The following REEP1 variants were observed in gnomAD, a reference collection of about 807,000 sequenced individuals.
REEP1 encodes receptor accessory protein 1.
In REEP1, 22 loss-of-function variants were observed where a neutral mutation model predicts 40.3. The ratio of observed to expected loss-of-function variants is 0.55; its 90% CI spans 0.39 to 0.78. REEP1 has a LOEUF of 0.78. Among genes scored for constraint, REEP1 ranks in the 30% least tolerant of loss-of-function variants. REEP1 has a pLI of 0.00. For missense variants in REEP1, 280 were observed against 361.1 expected (o/e 0.78, Z 1.82); for synonymous variants, 116 against 139.2 (o/e 0.83, Z 1.17).
chr2:86,256,398 AAACC>A (rs1399765861), intron 3 of REEP1, among the ~76,000 whole-genome samples: 3 of 151,426 alleles, frequency 2.0e-5, no homozygotes, highest in African/African-American at 7.3e-5. Context: ...TTTCATATGC[AAACC>A]AACCAATCCA....
intron 1 of REEP1, among the ~76,000 whole-genome samples, chr2:86,319,069 G>A (rs946539783): frequency 1.3e-5 from 2 of 152,180 alleles, no homozygotes; most frequent in African/African-American, 4.8e-5. Context: ...CTGAAGCACT[G>A]AATTTCACAT....
At chr2:86,253,900 G>A (rs764111709) in intron 4 of REEP1, among the ~76,000 whole-genome samples, 14 of 152,306 alleles carry the variant, frequency 9.2e-5, no homozygotes, top group East Asian at 3.9e-4. Flanking sequence ...TACAGTTAAC[G>A]AATGATACAA....
At chr2:86,247,424 C>T (rs1168826208) in intron 5 of REEP1, among the ~76,000 whole-genome samples, 1 of 152,042 alleles carries the variant, frequency 6.6e-6, no homozygotes, top group African/African-American at 2.4e-5. Context: ...ATAAGCTGGG[C>T]ATGGTGGTGC....
intron 1 of REEP1, among the ~76,000 whole-genome samples, chr2:86,331,253 G>A (rs1863050): frequency 0.33 from 50,013 of 152,014 alleles, 9,862 homozygotes; most frequent in East Asian, 0.58. Context: ...GAAACCCTGG[G>A]GAAGGATCTC....
chr2:86,313,300 C>CTT (rs77130679), intron 1 of REEP1, among the ~76,000 whole-genome samples: 2 of 136,554 alleles, frequency 1.5e-5, no homozygotes, highest in African/African-American at 3.0e-5. Context: ...CTTTTCTTTT[C>CTT]TTTTTTTTTT....
At chr2:86,324,604 CA>C in intron 1 of REEP1, among the ~76,000 whole-genome samples, 1 of 152,246 alleles carries the variant, frequency 6.6e-6, no homozygotes, top group East Asian at 1.9e-4. Flanking sequence ...AGCCGGACAT[CA>C]AGAATTTTCA....
At chr2:86,267,498 C>T (rs944948686) in intron 2 of REEP1, among the ~76,000 whole-genome samples, 2 of 152,066 alleles carry the variant, frequency 1.3e-5, no homozygotes, top group Non-Finnish European at 2.9e-5. Context: ...TGAAAACAGA[C>T]TAATACACAC....
chr2:86,251,981 T>C lies in REEP1; in HGVS notation c.393A>G (p.Thr131=). 6.2e-7 allele frequency: 1 copy of C among 1,613,798 alleles called. No homozygotes were observed. Among genetic ancestry groups the C allele is most frequent in the African/African-American group, 1.3e-5 (1 of 75,044 alleles). ...FGKRGLNVAA[T]AAVMAASKGQ... is the part of the protein sequence containing the mutation. ...CCTTGGAAGCAGCCATCACAGCCGC[T>C]GTGGCGGCCACGTTCAAGCCCCGCT... Residue 131 remains threonine, a synonymous_variant, in exon 5 of 9, where the codon ACA becomes ACG. Transcript: ENST00000538924.
intron 1 of REEP1, among the ~76,000 whole-genome samples, chr2:86,335,133 G>A (rs966757068): frequency 6.6e-6 from 1 of 152,076 alleles, no homozygotes; most frequent in African/African-American, 2.4e-5. Flanking sequence ...ATGCAATACA[G>A]GAAAATTTCT....
intron 1 of REEP1, among the ~76,000 whole-genome samples, chr2:86,317,782 C>T (rs544411175): frequency 6.6e-6 from 1 of 152,304 alleles, no homozygotes; most frequent in South Asian, 2.1e-4. Flanking sequence ...ATAAGTAGCA[C>T]TCATACAGTG....
intron 5 of REEP1, chr2:86,251,490 G>A (rs1225402790): frequency 3.0e-5 from 6 of 201,562 alleles, no homozygotes; most frequent in Admixed American, 5.3e-5. Context: ...CCACATGATC[G>A]TGAGTGAGTC....
intron 2 of REEP1, among the ~76,000 whole-genome samples, chr2:86,271,385 G>A (rs1224366967): frequency 6.6e-6 from 1 of 150,404 alleles, no homozygotes; most frequent in East Asian, 1.9e-4. Flanking sequence ...AATCTTAAAA[G>A]CAGAGAGGAT....
At chr2:86,228,117 C>T (rs1181718705) in intron 6 of REEP1, among the ~76,000 whole-genome samples, 2 of 152,178 alleles carry the variant, frequency 1.3e-5, no homozygotes, top group Non-Finnish European at 2.9e-5. Flanking sequence ...AGTACACTGC[C>T]CAGCCCCATC....
rs1675654610 is a variant in REEP1, at chr2:86,241,315, A to AT, written c.418-8514dup. 3.9e-5 allele frequency among the ~76,000 whole-genome samples: 6 copies of AT among 152,260 alleles called. No individual in the cohort carries two copies. The South Asian group carries it at 1.2e-3, about 31-fold the overall frequency. On this transcript the variant is annotated intron_variant, in intron 5 of 8. Coordinates refer to ENST00000538924, the MANE Select transcript of REEP1 (RefSeq NM_001371279.1). Reference sequence around the variant, plus strand: ...AGCCGCTGGTGCAAAGTGAGCTCTAATTATACTGGTGTGCAAACATGCCCA... The same window carrying AT: ...AGCCGCTGGTGCAAAGTGAGCTCTAATTTATACTGGTGTGCAAACATGCCCA...
chr2:86,251,105 AC>A lies in REEP1; in HGVS notation c.417+851del, dbSNP rs536000926. ...TCAGCATAACTGCCTTCCCTCCACC[AC>A]CAGCCGAATGTAGGTCCCTACTCCA... is the stretch of plus-strand genomic sequence containing the variant. On this transcript the variant is annotated intron_variant, in intron 5 of 8. Coordinates refer to ENST00000538924, the MANE Select transcript of REEP1 (RefSeq NM_001371279.1). Among the ~76,000 whole-genome samples, 101 of 151,956 alleles carry A rather than the reference AC, an allele frequency of 6.6e-4. 1 individual carries two copies. Among genetic ancestry groups the A allele is most frequent in the Non-Finnish European group, 6.9e-4 (47 of 67,982 alleles).
At chr2:86,325,277 G>A (rs1469288091) in intron 1 of REEP1, among the ~76,000 whole-genome samples, 6 of 152,158 alleles carry the variant, frequency 3.9e-5, no homozygotes, top group African/African-American at 1.2e-4. Context: ...AGATAAAGAC[G>A]TTAGAACATC....
chr2:86,285,583 A>T (rs962916578), intron 1 of REEP1, among the ~76,000 whole-genome samples: 1 of 152,156 alleles, frequency 6.6e-6, no homozygotes, highest in Admixed American at 6.5e-5. Context: ...ACCCAAGGAG[A>T]CACATCAGCC....
At chr2:86,299,596 G>T (rs914929319) in intron 1 of REEP1, among the ~76,000 whole-genome samples, 1 of 152,074 alleles carries the variant, frequency 6.6e-6, no homozygotes, top group Non-Finnish European at 1.5e-5. Context: ...GCATTATGTG[G>T]TTATATCATA....
intron 1 of REEP1, among the ~76,000 whole-genome samples, chr2:86,300,298 T>C (rs974237614): frequency 1.3e-5 from 2 of 152,146 alleles, no homozygotes; most frequent in Non-Finnish European, 2.9e-5. Flanking sequence ...CTCCTTCCTC[T>C]GCGCTGAGAA....
Sources: gnomAD v4.1 joint callset for allele counts (sites outside exome capture counted in the v4.1 genomes callset) on GRCh38, gnomAD v4.1.1 for gene constraint, MANE v1.5 for transcripts, NCBI Gene and HGNC (gene_info 2026-07-23, HGNC 2026-07-21) for gene names.